Variants in MSMO1 observed in about 807,000 individuals in gnomAD.
MSMO1 encodes methylsterol monooxygenase 1.
MSMO1 carries 18 observed loss-of-function variants against 30.4 expected under a neutral mutation model. The ratio of observed to expected loss-of-function variants is 0.59; its 90% CI spans 0.41 to 0.88. The LOEUF (loss-of-function observed/expected upper bound fraction) is 0.88, where lower values mean the gene tolerates loss of function less well. Among genes scored for constraint, MSMO1 ranks in the 40% least tolerant of loss-of-function variants. The probability of loss-of-function intolerance (pLI) is 0.00; values close to 1 mark genes in which losing one functional copy is unlikely to be tolerated. For missense variants in MSMO1, 284 were observed against 340.5 expected, an observed-to-expected ratio of 0.83 and a Z score of 1.31; for synonymous variants, 84 against 107.9, an observed-to-expected ratio of 0.78 and a Z score of 1.37.
intron 3 of MSMO1, 93 bp downstream of exon 3, chr4:165,338,030 T>C: frequency 1.7e-6 from 2 of 1,207,836 alleles, no homozygotes; most frequent in Non-Finnish European, 1.2e-6. Context: ...TTTTAGTTAA[T>C]GTTTGTTCTA....
At chr4:165,341,651 G>T in intron 5 of MSMO1, 100 bp from the exon 6 acceptor site, 1 of 1,074,972 alleles carries the variant, frequency 9.3e-7, no homozygotes. Context: ...AAAGTGGCAT[G>T]TTATCTAAAT....
chr4:165,338,337 T>C (rs944761376), intron 3 of MSMO1, among the ~76,000 whole-genome samples: 8 of 150,482 alleles, frequency 5.3e-5, no homozygotes, highest in African/African-American at 9.7e-5. Context: ...TATACACACA[T>C]ATATATATAC....
rs1254041715 is a variant in MSMO1 at position 165,340,642 on chromosome 4, C to G, written c.686+267C>G. Reference sequence around the variant, plus strand: ...ATTTCCTTATCCTTCTGTAATAAACCTAAACTTAACTCATATTTGAAAAAA... The same window carrying G: ...ATTTCCTTATCCTTCTGTAATAAACGTAAACTTAACTCATATTTGAAAAAA... On this transcript the variant is annotated intron_variant, in intron 5 of 5. Coordinates refer to ENST00000261507, the MANE Select transcript of MSMO1 (RefSeq NM_006745.5). The G allele has an allele frequency of 6.7e-6, 3 of 445,810 alleles. No homozygotes were observed. The Admixed American group carries it at 1.1e-4, about 17-fold the overall frequency. 27.6% of individuals were successfully genotyped at this position (445,810 alleles called of 1,614,324 possible). A position where few individuals can be genotyped will look rare whatever the true frequency, so the allele number is the denominator to read the frequency against.
intron 4 of MSMO1, 49 bp from the exon 5 acceptor site, chr4:165,340,172 A>C: frequency 2.6e-6 from 4 of 1,555,118 alleles, no homozygotes; most frequent in Non-Finnish European, 3.5e-6. Flanking sequence ...CATAAAATTG[A>C]CCATCACAAT....
At chr4:165,327,984 T>A (rs906166125) in intron 1 of MSMO1, 2 of 152,272 alleles carry the variant, frequency 1.3e-5, no homozygotes, top group African/African-American at 2.4e-5. Context: ...GTGAAATTCT[T>A]AAGTGATGGA....
chr4:165,337,354 GGAATGAATACCACT>G (rs1340349904), intron 2 of MSMO1, among the ~76,000 whole-genome samples: 1 of 152,108 alleles, frequency 6.6e-6, no homozygotes, highest in Non-Finnish European at 1.5e-5. Flanking sequence ...TTTATTTGTT[GGAATGAATACCACT>G]GAGTGCCTGG....
At chr4:165,333,308 T>A in intron 1 of MSMO1, 32 bp from the exon 2 acceptor site, 1 of 1,541,818 alleles carries the variant, frequency 6.5e-7, no homozygotes, top group East Asian at 2.3e-5. Context: ...AGCTCATTGT[T>A]TAACTTATTA....
intron 2 of MSMO1, among the ~76,000 whole-genome samples, chr4:165,335,609 C>G (rs1747518450): frequency 6.6e-6 from 1 of 152,212 alleles, no homozygotes; most frequent in Non-Finnish European, 1.5e-5. Flanking sequence ...CATCCTTTTT[C>G]TCCTTCACTG....
intron 1 of MSMO1, among the ~76,000 whole-genome samples, chr4:165,328,468 C>T (rs929095152): frequency 1.3e-5 from 2 of 152,100 alleles, no homozygotes; most frequent in African/African-American, 2.4e-5. Context: ...TAGATCGTGG[C>T]ATTGCATCTT....
chr4:165,339,318 G>A (rs1244987682), intron 4 of MSMO1, among the ~76,000 whole-genome samples: 1 of 151,742 alleles, frequency 6.6e-6, no homozygotes, highest in Non-Finnish European at 1.5e-5. Flanking sequence ...TGGTCAGGCT[G>A]GTCTCGAACT....
chr4:165,337,790 A>T lies in MSMO1; in HGVS notation c.257A>T (p.Asp86Val). The T allele has an allele frequency of 1.9e-6, 3 of 1,613,588 alleles. No homozygotes were observed. The highest frequency in any genetic ancestry group is 2.5e-6 in the Non-Finnish European group (3 of 1,179,694). The change falls in exon 3 of 6, where the codon GAT (aspartate) becomes GTT (valine). Residue 86 changes from aspartate to valine, a missense_variant and splice_region_variant. Transcript: ENST00000261507. ...PYMKKYKIQK[D>V]KPETWENQWK... ...AGATATTGTGATTTTTCTTCGTAGGATAAGCCAGAGACATGGGAAAACCAA... is the reference window on the plus strand; with the variant it reads ...AGATATTGTGATTTTTCTTCGTAGGTTAAGCCAGAGACATGGGAAAACCAA...
chr4:165,333,228 A>G (rs1042606095), intron 1 of MSMO1, 112 bp from the exon 2 acceptor site: 6 of 838,872 alleles, frequency 7.2e-6, no homozygotes, highest in African/African-American at 5.2e-5. Context: ...TAAAAAATTT[A>G]TACTCCTTTA....
intron 2 of MSMO1, among the ~76,000 whole-genome samples, chr4:165,334,350 T>C (rs769944055): frequency 4.6e-5 from 7 of 152,198 alleles, no homozygotes; most frequent in Admixed American, 1.3e-4. Flanking sequence ...GATGTGATGG[T>C]TATCTAACTT....
In MSMO1 at chr4:165,337,735, A is replaced by G. The variant is rs1747598555; in HGVS notation, c.256-54A>G. On this transcript the variant is annotated intron_variant, in intron 2 of 5. Coordinates refer to ENST00000261507, the MANE Select transcript of MSMO1 (RefSeq NM_006745.5). ...CATAAACAGAGAACAAATTAGGTCA[A>G]GTTAAACTCTGATAGCAGAGACTAA... The G allele has an allele frequency of 2.4e-5, 38 of 1,574,552 alleles. 1 individual carries two copies. In the South Asian group the frequency reaches 4.1e-4, roughly 17 times the overall value.
At chr4:165,339,030 T>C (rs1747640943) in intron 4 of MSMO1, among the ~76,000 whole-genome samples, 1 of 148,396 alleles carries the variant, frequency 6.7e-6, no homozygotes, top group Non-Finnish European at 1.5e-5. Context: ...TGGACAGTGC[T>C]ACACTGGCAC....
intron 2 of MSMO1, among the ~76,000 whole-genome samples, chr4:165,335,803 A>G (rs930052331): frequency 6.6e-6 from 1 of 152,222 alleles, no homozygotes; most frequent in Non-Finnish European, 1.5e-5. Flanking sequence ...TTTGACTTCA[A>G]GTCTGTACTC....
In MSMO1 at chr4:165,340,280, T is replaced by G. The variant is rs764996963; in HGVS notation, c.591T>G (p.Thr197=). 1.2e-6 allele frequency: 2 copies of G among 1,614,042 alleles called. No homozygotes were observed. Among genetic ancestry groups the G allele is most frequent in the Non-Finnish European group, 1.7e-6 (2 of 1,179,948 alleles). The change falls in exon 5 of 6, where the codon ACT becomes ACG. Residue 197 remains threonine, a synonymous_variant. Coordinates refer to ENST00000261507, the MANE Select transcript of MSMO1 (RefSeq NM_006745.5). ...CTTTGGAGACTCTAATTCTTGGAAC[T>G]GGATTTTTCATTGGAATCGTGCTTT... The part of the protein sequence containing the change: ...AHPLETLILG[T]GFFIGIVLLC...
At chr4:165,338,609 G>A (rs1305706497) in intron 3 of MSMO1, 43 bp from the exon 4 acceptor site, 2 of 1,556,196 alleles carry the variant, frequency 1.3e-6, no homozygotes, top group Non-Finnish European at 1.8e-6. Context: ...GATAGTTTAA[G>A]TAAAAATTAT....
At chr4:165,328,775 C>T (rs772195625) in intron 1 of MSMO1, among the ~76,000 whole-genome samples, 1 of 152,236 alleles carries the variant, frequency 6.6e-6, no homozygotes, top group East Asian at 1.9e-4. Flanking sequence ...TCCATTCCCT[C>T]GCTCCTTTGT....
Sources: allele counts gnomAD v4.1 joint callset (sites outside exome capture counted in the v4.1 genomes callset), GRCh38; gene constraint gnomAD v4.1.1; transcripts MANE v1.5; gene names NCBI Gene and HGNC (gene_info 2026-07-23, HGNC 2026-07-21).